The following PLA2G5 variants were observed in gnomAD, a reference collection of about 807,000 sequenced individuals.
The protein encoded by PLA2G5 is phospholipase A2 group V, also known as Ca2+-dependent phospholipase A2.
Under a neutral mutation model 15.9 loss-of-function variants are expected in PLA2G5, and 12 were observed. The ratio of observed to expected loss-of-function variants is 0.76; its 90% CI spans 0.48 to 1.23. The LOEUF (loss-of-function observed/expected upper bound fraction) is 1.23, where lower values mean the gene tolerates loss of function less well. Among genes scored for constraint, PLA2G5 ranks in the 50% most tolerant of loss-of-function variants. PLA2G5 has a pLI of 0.00. For synonymous variants in PLA2G5, 71 were observed against 71.4 expected, an observed-to-expected ratio of 0.99 and a Z score of 0.03; for missense variants, 169 against 177.1, an observed-to-expected ratio of 0.95 and a Z score of 0.26.
intron 1 of PLA2G5, among the ~76,000 whole-genome samples, chr1:20,045,472 G>A (rs891168222): frequency 1.3e-5 from 2 of 152,196 alleles, no homozygotes; most frequent in South Asian, 4.1e-4. Context: ...TGGCACTGGA[G>A]TTTTGGGTTC....
At chr1:20,081,688 G>T (rs11573253) in intron 1 of PLA2G5, among the ~76,000 whole-genome samples, 26,842 of 151,706 alleles carry the variant, frequency 0.18, 2,746 homozygotes, top group East Asian at 0.31. Flanking sequence ...GTGAGGGAAA[G>T]GTGGCCCGGG....
intron 1 of PLA2G5, among the ~76,000 whole-genome samples, chr1:20,031,427 A>T (rs818674): frequency 0.49 from 73,778 of 151,814 alleles, 18,429 homozygotes; most frequent in Non-Finnish European, 0.56. Context: ...TGAGTGGGAG[A>T]GAAATTTTGG....
intron 1 of PLA2G5, among the ~76,000 whole-genome samples, chr1:20,028,963 G>A (rs747315736): frequency 1.6e-4 from 24 of 152,212 alleles, no homozygotes; most frequent in Admixed American, 3.3e-4. Context: ...CTAGGGATGA[G>A]TGTTTACAGC....
chr1:20,030,131 G>A (rs190702361), intron 1 of PLA2G5, among the ~76,000 whole-genome samples: 4 of 152,176 alleles, frequency 2.6e-5, no homozygotes, highest in South Asian at 4.2e-4. Context: ...AGAGAGAAGA[G>A]TGGACCCAGG....
At chr1:20,073,103 C>T (rs1170341932) in intron 1 of PLA2G5, among the ~76,000 whole-genome samples, 1 of 152,108 alleles carries the variant, frequency 6.6e-6, no homozygotes, top group African/African-American at 2.4e-5. Context: ...GAGTGACAGC[C>T]TTTCCTAGGG....
intron 1 of PLA2G5, among the ~76,000 whole-genome samples, chr1:20,077,826 T>C (rs1047239050): frequency 2.6e-5 from 4 of 152,196 alleles, no homozygotes; most frequent in Non-Finnish European, 5.9e-5. Flanking sequence ...GGATCTGACA[T>C]TGTGCTTTCT....
chr1:20,036,133 A>G (rs1449314541), intron 1 of PLA2G5, among the ~76,000 whole-genome samples: 1 of 152,180 alleles, frequency 6.6e-6, no homozygotes, highest in African/African-American at 2.4e-5. Flanking sequence ...GTTTTCCTTT[A>G]TAGGTTACCT....
rs193052995 is a variant in PLA2G5, at chr1:20,047,769, T to G, written n.277-11863T>G. Among the ~76,000 whole-genome samples the G allele has an allele frequency of 2.2e-3, 328 of 151,806 alleles. 1 individual carries two copies. The highest frequency in any genetic ancestry group is 0.01 in the Middle Eastern group (3 of 294). ...GTGTGTGTGTGTGTATGTGTATATA[T>G]TTAAAAGGCATTTATAATTTCTATA... On this transcript the variant is annotated intron_variant and non_coding_transcript_variant, in intron 1 of 6. Coordinates refer to the PLA2G5 transcript ENST00000460175.
At chr1:20,081,296 C>T (rs2016006270) in intron 1 of PLA2G5, among the ~76,000 whole-genome samples, 1 of 151,908 alleles carries the variant, frequency 6.6e-6, no homozygotes, top group African/African-American at 2.4e-5. Flanking sequence ...TCGGGGCAGC[C>T]ACTCCATGCC....
chr1:20,037,796 G>A (rs769084205), intron 1 of PLA2G5, among the ~76,000 whole-genome samples: 10 of 152,092 alleles, frequency 6.6e-5, no homozygotes, highest in Admixed American at 6.5e-4. Flanking sequence ...GGCAATGGGC[G>A]GGATCATAGA....
chr1:20,040,084 AACAAACAC>A (rs2100329773), intron 1 of PLA2G5, among the ~76,000 whole-genome samples: 1 of 152,292 alleles, frequency 6.6e-6, no homozygotes, highest in South Asian at 2.1e-4. Flanking sequence ...TCATTAAACA[AACAAACAC>A]ACAAACAAAA....
chr1:20,045,465 C>T (rs2100368488), intron 1 of PLA2G5, among the ~76,000 whole-genome samples: 1 of 152,238 alleles, frequency 6.6e-6, no homozygotes, highest in South Asian at 2.1e-4. Flanking sequence ...TCGTGACTGG[C>T]ACTGGAGTTT....
chr1:20,078,119 G>A (rs981602742), intron 1 of PLA2G5, among the ~76,000 whole-genome samples: 6 of 152,216 alleles, frequency 3.9e-5, no homozygotes, highest in Non-Finnish European at 8.8e-5. Context: ...AAGCCCAGAG[G>A]GAGAGAGAGT....
chr1:20,080,651 G>A (rs1216225062), intron 1 of PLA2G5, among the ~76,000 whole-genome samples: 1 of 152,106 alleles, frequency 6.6e-6, no homozygotes, highest in Non-Finnish European at 1.5e-5. Flanking sequence ...TTGTGCCAGG[G>A]TGAGGGGAAG....
intron 1 of PLA2G5, among the ~76,000 whole-genome samples, chr1:20,079,530 A>AG: frequency 6.6e-6 from 1 of 152,240 alleles, no homozygotes; most frequent in Admixed American, 6.5e-5. Context: ...TCATTAATAG[A>AG]GACAGGGGCT....
rs114307410 is a variant in PLA2G5 at position 20,035,123 on chromosome 1, C to T, written n.276+6414C>T. On this transcript the variant is annotated intron_variant and non_coding_transcript_variant, in intron 1 of 6. Transcript: ENST00000460175. Reference sequence around the variant, plus strand: ...GCACCCAAAATGTTAGATTTTGAAGCGAAGGCAAGGGTTAAAGAAAGGTAC... The same window carrying T: ...GCACCCAAAATGTTAGATTTTGAAGTGAAGGCAAGGGTTAAAGAAAGGTAC... Among the ~76,000 whole-genome samples, 1,143 of 152,074 alleles carry T rather than the reference C, an allele frequency of 7.5e-3. 13 individuals are homozygous for T. Among genetic ancestry groups the T allele is most frequent in the African/African-American group, 0.025 (1,052 of 41,470 alleles).
At chr1:20,080,745 A>G (rs2015962452) in intron 1 of PLA2G5, among the ~76,000 whole-genome samples, 1 of 151,864 alleles carries the variant, frequency 6.6e-6, no homozygotes, top group Non-Finnish European at 1.5e-5. Context: ...CTTTAAAACC[A>G]GGTGGGCCCA....
chr1:20,051,151 A>G (rs772514857), intron 1 of PLA2G5, among the ~76,000 whole-genome samples: 1 of 152,158 alleles, frequency 6.6e-6, no homozygotes, highest in Non-Finnish European at 1.5e-5. Flanking sequence ...TTCCCTTGTC[A>G]ATTGTGTCTT....
At chr1:20,058,108 G>A (rs925922046) in intron 1 of PLA2G5, among the ~76,000 whole-genome samples, 1 of 152,146 alleles carries the variant, frequency 6.6e-6, no homozygotes. Context: ...TACTGTTGTT[G>A]GGGAGAAGTA....
Sources: gnomAD v4.1 joint callset for allele counts (sites outside exome capture counted in the v4.1 genomes callset) on GRCh38, gnomAD v4.1.1 for gene constraint, MANE v1.5 for transcripts, NCBI Gene and HGNC (gene_info 2026-07-23, HGNC 2026-07-21) for gene names.